Variants in TENM1 observed in about 807,000 individuals in gnomAD.
TENM1 encodes teneurin transmembrane protein 1, also known as teneurin-1.
Under a neutral mutation model 174.8 loss-of-function variants are expected in TENM1, and 35 were observed. The ratio of observed to expected loss-of-function variants is 0.20; its 90% CI spans 0.15 to 0.27. TENM1 has a LOEUF of 0.27. TENM1 is among the 10% of genes least tolerant of loss of function. The pLI is 1.00. For missense variants in TENM1, 1,633 were observed against 2,130.1 expected, an observed-to-expected ratio of 0.77 and a Z score of 4.59; for synonymous variants, 781 against 798.7, an observed-to-expected ratio of 0.98 and a Z score of 0.37.
At chrX:124,690,221 A>C in intron 5 of TENM1, among the ~76,000 whole-genome samples, 1 of 111,348 alleles carries the variant, frequency 9.0e-6, no homozygotes, top group East Asian at 2.8e-4. Context: ...CTCCTGTGTC[A>C]TTTTGGCATG....
At chrX:124,650,200 C>CAAAA (rs755570562) in intron 8 of TENM1, among the ~76,000 whole-genome samples, 13 of 24,848 alleles carry the variant, frequency 5.2e-4, no homozygotes, top group Non-Finnish European at 1.0e-3. Flanking sequence ...AAACTGTCTC[C>CAAAA]AAAAAAAAAA....
chrX:124,507,553 T>C (rs2047479102), intron 18 of TENM1, among the ~76,000 whole-genome samples: 1 of 111,942 alleles, frequency 8.9e-6, no homozygotes, highest in Non-Finnish European at 1.9e-5. Context: ...GAGTAAAAGA[T>C]TGTAGCTTGC....
At chrX:124,646,681 A>C in intron 9 of TENM1, 28 bp downstream of exon 12, 1 of 1,053,346 alleles carries the variant, frequency 9.5e-7, no homozygotes. Flanking sequence ...ATTTTCCTAA[A>C]CCAATCAGAA....
At chrX:124,582,192 T>C (rs1467168704) in intron 11 of TENM1, among the ~76,000 whole-genome samples, 1 of 112,390 alleles carries the variant, frequency 8.9e-6, no homozygotes, top group African/African-American at 3.2e-5. Flanking sequence ...ACTCCATCCA[T>C]GCCCCTGCAA....
At chrX:125,112,134 T>TTG in the TENM1 span, among the ~76,000 whole-genome samples, 729 of 92,690 alleles carry the variant, frequency 7.9e-3, 1 homozygote, top group Admixed American at 0.017. Context: ...TTTAATGAAA[T>TTG]TGTGTGTGTG....
chrX:125,146,105 C>T, the TENM1 span, among the ~76,000 whole-genome samples: 1 of 111,762 alleles, frequency 8.9e-6, no homozygotes, highest in Non-Finnish European at 1.9e-5. Flanking sequence ...ATGATTTTGC[C>T]ATAATATCTG....
intron 5 of TENM1, among the ~76,000 whole-genome samples, chrX:124,691,902 TTAGA>T (rs1310399114): frequency 2.7e-5 from 3 of 111,821 alleles, no homozygotes; most frequent in Admixed American, 1.9e-4. Context: ...ATAATTTTTC[TTAGA>T]TATTTTAAAA....
the TENM1 span, among the ~76,000 whole-genome samples, chrX:125,021,182 A>G: frequency 9.1e-6 from 1 of 109,381 alleles, no homozygotes; most frequent in Admixed American, 1.0e-4. Flanking sequence ...TCTATTAGAA[A>G]TCCATCCCAG....
chrX:124,835,339 A>G (rs1243198867), intron 3 of TENM1, among the ~76,000 whole-genome samples: 1 of 112,014 alleles, frequency 8.9e-6, no homozygotes, highest in African/African-American at 3.2e-5. Context: ...AAAATGCTAT[A>G]AAAAGTACAT....
intron 27 of TENM1, among the ~76,000 whole-genome samples, chrX:124,396,426 C>T (rs189574396): frequency 7.3e-4 from 79 of 108,098 alleles, no homozygotes; most frequent in African/African-American, 2.6e-3. Context: ...CTCAGCCTCC[C>T]GAGTAGCTGG....
intron 3 of TENM1, among the ~76,000 whole-genome samples, chrX:124,781,303 C>T (rs1037293653): frequency 5.4e-5 from 6 of 111,171 alleles, no homozygotes; most frequent in African/African-American, 2.0e-4. Context: ...CCTAATGATC[C>T]CATGCATTCT....
At chrX:124,608,940 G>C (rs1165494857) in intron 11 of TENM1, among the ~76,000 whole-genome samples, 1 of 110,720 alleles carries the variant, frequency 9.0e-6, no homozygotes, top group Admixed American at 9.6e-5. Context: ...TATTTTTGCA[G>C]CGCAAAAATC....
intron 25 of TENM1, among the ~76,000 whole-genome samples, chrX:124,406,743 C>T (rs1280741542): frequency 9.0e-6 from 1 of 111,400 alleles, no homozygotes; most frequent in African/African-American, 3.3e-5. Flanking sequence ...AATGAATCAC[C>T]AGGGTGGAAC....
rs759184094 is a variant in TENM1 at position 124,475,911 on chromosome X, C to T, written c.3949+5821G>A. ...CAAACTTCCTTTTCTTGCTTCTGCC[C>T]CCCTTTCCTATTACTCTCCAATATT... On this transcript the variant is annotated intron_variant, in intron 22 of 31. Transcript: ENST00000422452. Among the ~76,000 whole-genome samples, 40 of 111,528 alleles carry T rather than the reference C, an allele frequency of 3.6e-4. 1 individual carries two copies. The South Asian group carries it at 6.2e-3, about 17-fold the overall frequency.
exon 30 of TENM1, chrX:124,384,689 G>A: frequency 8.3e-7 from 1 of 1,210,862 alleles, no homozygotes; most frequent in Non-Finnish European, 1.1e-6. Context: ...AAACTGCTCT[G>A]TTCTGCCAGA....
the TENM1 span, among the ~76,000 whole-genome samples, chrX:125,085,566 CTTAAT>C: frequency 9.0e-6 from 1 of 111,277 alleles, no homozygotes; most frequent in Non-Finnish European, 1.9e-5. Flanking sequence ...TTCACAAAAA[CTTAAT>C]TTATTTCTAA....
chrX:124,642,906 C>G (rs2051054815), intron 10 of TENM1, among the ~76,000 whole-genome samples: 1 of 112,230 alleles, frequency 8.9e-6, no homozygotes, highest in East Asian at 2.8e-4. Context: ...TCCAGCAATG[C>G]AAATAGACTG....
At chrX:124,645,984 A>G (rs2051147784) in intron 9 of TENM1, among the ~76,000 whole-genome samples, 1 of 111,871 alleles carries the variant, frequency 8.9e-6, no homozygotes, top group African/African-American at 3.2e-5. Context: ...GTGTTTTAGA[A>G]TTCGCTACTG....
chrX:124,880,538 T>C (rs1603258866), intron 3 of TENM1, among the ~76,000 whole-genome samples: 1 of 112,113 alleles, frequency 8.9e-6, no homozygotes, highest in East Asian at 2.8e-4. Context: ...CTGATTGTTC[T>C]GGCTAGGACT....
Sources: gnomAD v4.1 joint callset for allele counts (sites outside exome capture counted in the v4.1 genomes callset) on GRCh38, gnomAD v4.1.1 for gene constraint, MANE v1.5 for transcripts, NCBI Gene and HGNC (gene_info 2026-07-23, HGNC 2026-07-21) for gene names.